ATM: variants seen among roughly 807,000 people sequenced by gnomAD.
ATM encodes the protein serine-protein kinase ATM.
Under a neutral mutation model 387.0 loss-of-function variants are expected in ATM, and 308 were observed. The observed-to-expected ratio is 0.80, with a 90% confidence interval of 0.73 to 0.87. The LOEUF (loss-of-function observed/expected upper bound fraction) is 0.87. Among genes scored for constraint, ATM ranks in the 40% least tolerant of loss-of-function variants. The probability of loss-of-function intolerance (pLI) is 0.00; values close to 1 mark genes in which losing one functional copy is unlikely to be tolerated. For synonymous variants in ATM, 1,156 were observed against 1,187.3 expected (o/e 0.97, Z 0.54); for missense variants, 3,312 against 3,560.9 (o/e 0.93, Z 1.78).
intron 59 of ATM, among the ~76,000 whole-genome samples, chr11:108,350,133 G>A (rs933444335): frequency 2.6e-5 from 4 of 152,136 alleles, no homozygotes; most frequent in South Asian, 2.1e-4. Flanking sequence ...AATAAGACAT[G>A]CCAAGCAGTT....
At position 108,326,044 on chromosome 11, in the gene ATM, C is replaced by T. The variant is rs932081789; in HGVS notation, c.6808-14C>T. ...AGTAAAAGTATTTATTCCCATATGT[C>T]ATTTTCATTTCAGCTCCCTGAAAGG... On this transcript the variant is annotated splice_polypyrimidine_tract_variant and intron_variant, in intron 46 of 62. Transcript: ENST00000675843. The T allele has an allele frequency of 6.2e-7, 1 of 1,613,016 alleles. No individual in the cohort carries two copies. The highest frequency in any genetic ancestry group is 8.5e-7 in the Non-Finnish European group (1 of 1,179,290).
chr11:108,333,790 A>G, intron 53 of ATM, 96 bp from the exon 54 acceptor site: 2 of 984,366 alleles, frequency 2.0e-6, no homozygotes, highest in Non-Finnish European at 3.3e-6. Context: ...CAGATTAGCA[A>G]CAAGTTGGGG....
At chr11:108,258,648 C>T (rs534693852) in intron 15 of ATM, among the ~76,000 whole-genome samples, 8 of 152,214 alleles carry the variant, frequency 5.3e-5, no homozygotes, top group Admixed American at 2.0e-4. Context: ...GGCCATATAG[C>T]AATATTATCA....
At chr11:108,322,247 C>A (rs2085289450) in intron 45 of ATM, among the ~76,000 whole-genome samples, 1 of 151,884 alleles carries the variant, frequency 6.6e-6, no homozygotes, top group African/African-American at 2.4e-5. Flanking sequence ...CTCCACCTCC[C>A]AGGTTCAAGC....
At position 108,367,065 on chromosome 11, in the gene ATM, G is replaced by T. The variant is rs1368208870; in HGVS notation, c.*1557G>T. ...TGCAGTGGCATGATCTCAGCTCACT[G>T]AAACCTCTGCCTCCTGGGTTCAAGC... On this transcript the variant is annotated 3_prime_UTR_variant, in exon 63 of 63. Transcript: ENST00000675843. The T allele has an allele frequency of 5.5e-6, 1 of 182,914 alleles. No homozygotes were observed. The highest frequency in any genetic ancestry group is 1.2e-5 in the Non-Finnish European group (1 of 86,018). The allele number at this position is 182,914 out of a possible 1,614,324, so 11.3% of individuals were successfully genotyped here.
chr11:108,311,408 A>G (rs1005541269), intron 39 of ATM, among the ~76,000 whole-genome samples: 1 of 152,220 alleles, frequency 6.6e-6, no homozygotes, highest in African/African-American at 2.4e-5. Flanking sequence ...TTAAAAAAGT[A>G]AAGAAGGTTG....
chr11:108,251,802 C>A (rs2135337701), intron 10 of ATM, 35 bp from the exon 11 acceptor site: 1 of 1,609,380 alleles, frequency 6.2e-7, no homozygotes, highest in Non-Finnish European at 8.5e-7. Context: ...CCTCCAATAG[C>A]TTGCTTTTCA....
intron 16 of ATM, among the ~76,000 whole-genome samples, chr11:108,262,810 CAAAA>C (rs1244908276): frequency 1.4e-5 from 2 of 145,456 alleles, no homozygotes; most frequent in Non-Finnish European, 3.0e-5. Flanking sequence ...AAATGGAAAA[CAAAA>C]AAAGGCAGGG....
chr11:108,273,330 T>C (rs549402302), intron 22 of ATM, among the ~76,000 whole-genome samples: 2 of 124,466 alleles, frequency 1.6e-5, no homozygotes, highest in East Asian at 4.3e-4. Flanking sequence ...TTAATTTCAT[T>C]CTTTTTTTTT....
At chr11:108,364,948 G>A (rs564739540) in intron 61 of ATM, 134 bp from the exon 62 acceptor site, 33 of 932,924 alleles carry the variant, frequency 3.5e-5, no homozygotes, top group Non-Finnish European at 4.9e-5. Context: ...AACATGAAGT[G>A]TGCATGATGT....
chr11:108,228,774 A>G (rs2078863704), intron 3 of ATM, among the ~76,000 whole-genome samples: 1 of 152,222 alleles, frequency 6.6e-6, no homozygotes, highest in Non-Finnish European at 1.5e-5. Flanking sequence ...ATTCCTGGCT[A>G]GTTATGAATA....
chr11:108,344,197 C>T (rs1298366409), intron 57 of ATM, among the ~76,000 whole-genome samples: 1 of 152,062 alleles, frequency 6.6e-6, no homozygotes, highest in Non-Finnish European at 1.5e-5. Flanking sequence ...GTACAGGGCA[C>T]ACAGGGTACA....
At chr11:108,294,419 G>A (rs1427920564) in intron 31 of ATM, among the ~76,000 whole-genome samples, 3 of 152,128 alleles carry the variant, frequency 2.0e-5, no homozygotes, top group African/African-American at 7.2e-5. Context: ...CTTGAAGTCT[G>A]TGTTACCATG....
chr11:108,336,767 C>CTT (rs2086901934), intron 56 of ATM, among the ~76,000 whole-genome samples: 1 of 152,202 alleles, frequency 6.6e-6, no homozygotes, highest in Admixed American at 6.5e-5. Flanking sequence ...AGTGTACCCA[C>CTT]TTACATTTCC....
intron 61 of ATM, among the ~76,000 whole-genome samples, chr11:108,363,723 C>T (rs2091047111): frequency 6.6e-6 from 1 of 152,220 alleles, no homozygotes; most frequent in Admixed American, 6.5e-5. Flanking sequence ...CTGTTTCCAA[C>T]CACTTCTGTC....
intron 16 of ATM, among the ~76,000 whole-genome samples, chr11:108,262,582 G>A (rs1179363464): frequency 6.6e-6 from 1 of 152,168 alleles, no homozygotes; most frequent in African/African-American, 2.4e-5. Context: ...CAACTAATGA[G>A]CAAAATAACC....
chr11:108,355,037 C>A, intron 61 of ATM, 163 bp downstream of exon 61: 1 of 636,754 alleles, frequency 1.6e-6, no homozygotes, highest in Non-Finnish European at 2.8e-6. Context: ...TTTCACACAT[C>A]CAAAAATACT....
intron 10 of ATM, among the ~76,000 whole-genome samples, 191 bp downstream of exon 10, chr11:108,251,263 A>G (rs1025270357): frequency 1.3e-5 from 2 of 152,256 alleles, no homozygotes; most frequent in Admixed American, 1.3e-4. Flanking sequence ...AATGTTGACA[A>G]ATTATTAAAG....
In ATM at chr11:108,295,006, G is replaced by A. The variant is rs730881393; in HGVS notation, c.4856G>A (p.Arg1619Lys). The change falls in exon 32 of 63, where the codon AGA (arginine) becomes AAA (lysine). Residue 1619 changes from arginine to lysine, a missense_variant. This residue lies in a region of ATM where 1,405 missense variants were observed against 1,604.4 expected (regional missense o/e 0.88). Transcript: ENST00000675843. ...CTTGAAGGACTAAAGGATCTTCGAA[G>A]ACAACTGGAACTACATAAAGATCAG... The part of the protein sequence containing the change: ...TRLEGLKDLR[R>K]QLELHKDQMV... 1.9e-5 allele frequency: 30 copies of A among 1,613,878 alleles called. No homozygotes were observed. Among genetic ancestry groups the A allele is most frequent in the Non-Finnish European group, 2.5e-5 (29 of 1,179,944 alleles).
Sources: gnomAD v4.1 joint callset for allele counts (sites outside exome capture counted in the v4.1 genomes callset) on GRCh38, gnomAD v4.1.1 for gene constraint, gnomAD v4.1.1 regional missense constraint, MANE v1.5 for transcripts, NCBI Gene and HGNC (gene_info 2026-07-23, HGNC 2026-07-21) for gene names.